Variants in TPST1 observed in about 807,000 individuals in gnomAD.
TPST1 encodes protein-tyrosine sulfotransferase 1.
In TPST1, 20 loss-of-function variants were observed where a neutral mutation model predicts 34.8. The ratio of observed to expected loss-of-function variants is 0.57; its 90% CI spans 0.40 to 0.84. The LOEUF (loss-of-function observed/expected upper bound fraction) is 0.84. Ranked by LOEUF, TPST1 falls within the 40% of genes least tolerant of loss-of-function variation. The pLI is 0.00. For missense variants in TPST1, 353 were observed against 455.5 expected (o/e 0.78, Z 2.05); for synonymous variants, 152 against 159.4 (o/e 0.95, Z 0.35).
intron 2 of TPST1, among the ~76,000 whole-genome samples, chr7:66,244,159 T>C (rs1790100117): frequency 6.6e-6 from 1 of 151,988 alleles, no homozygotes; most frequent in Admixed American, 6.6e-5. Context: ...TTCGCCATGT[T>C]AGCCAGGATG....
Position 66,339,833 on chromosome 7 carries a change from T to TAAAAAA in TPST1, c.1045-12657_1045-12652dup, listed in dbSNP as rs71526540. ...AAACCAGCACATGTACCCCTCAACCTAAAAAAAAAAAAAAAAAAAATCATC... is the reference window on the plus strand; with the variant it reads ...AAACCAGCACATGTACCCCTCAACCTAAAAAAAAAAAAAAAAAAAAAAAAAATCATC... On this transcript the variant is annotated intron_variant, in intron 3 of 5. Transcript: ENST00000304842. Among the ~76,000 whole-genome samples, 31 of 112,392 alleles carry TAAAAAA rather than the reference T, an allele frequency of 2.8e-4. 1 individual carries two copies. Among genetic ancestry groups the TAAAAAA allele is most frequent in the Non-Finnish European group, 3.5e-4 (20 of 56,614 alleles). The allele number at this position is 112,392 out of a possible 152,430, so 73.7% of individuals were successfully genotyped here.
At chr7:66,302,999 C>T (rs951720090) in intron 3 of TPST1, among the ~76,000 whole-genome samples, 1 of 152,058 alleles carries the variant, frequency 6.6e-6, no homozygotes, top group African/African-American at 2.4e-5. Flanking sequence ...ACCTTTGTTC[C>T]TTCTGCCTTG....
At chr7:66,353,683 C>T (rs1792526133) in intron 4 of TPST1, among the ~76,000 whole-genome samples, 1 of 152,198 alleles carries the variant, frequency 6.6e-6, no homozygotes, top group East Asian at 1.9e-4. Context: ...CAGCCGACTT[C>T]CCTTTCCAGC....
chr7:66,299,425 A>T (rs1791269785), intron 3 of TPST1, among the ~76,000 whole-genome samples: 1 of 151,418 alleles, frequency 6.6e-6, no homozygotes, highest in Non-Finnish European at 1.5e-5. Context: ...CATTAAAAAG[A>T]TACTATTTTA....
chr7:66,252,189 C>T (rs1341549171), intron 2 of TPST1, among the ~76,000 whole-genome samples: 2 of 151,490 alleles, frequency 1.3e-5, no homozygotes, highest in African/African-American at 4.9e-5. Flanking sequence ...TCCCAAGTAG[C>T]TGGGACTACA....
intron 1 of TPST1, among the ~76,000 whole-genome samples, chr7:66,210,482 G>T (rs566136105): frequency 2.0e-5 from 3 of 152,302 alleles, no homozygotes; most frequent in Admixed American, 6.5e-5. Flanking sequence ...AGCTTTTAAA[G>T]AATGAGGATG....
intron 1 of TPST1, among the ~76,000 whole-genome samples, chr7:66,209,227 C>T (rs1202551642): frequency 6.6e-6 from 1 of 152,080 alleles, no homozygotes; most frequent in Non-Finnish European, 1.5e-5. Flanking sequence ...GAGCTGACTC[C>T]AGCCTGGGCA....
At chr7:66,214,935 T>C (rs916453526) in intron 1 of TPST1, among the ~76,000 whole-genome samples, 9 of 141,150 alleles carry the variant, frequency 6.4e-5, no homozygotes, top group Non-Finnish European at 1.1e-4. Flanking sequence ...ATATACATTT[T>C]ATATAATATA....
intron 3 of TPST1, among the ~76,000 whole-genome samples, chr7:66,327,986 T>C (rs1431643198): frequency 4.7e-5 from 7 of 150,358 alleles, no homozygotes; most frequent in Non-Finnish European, 1.0e-4. Flanking sequence ...TGGTGTTTTT[T>C]TTTCTTTCTT....
At position 66,343,328 on chromosome 7, in the gene TPST1, G is replaced by A. The variant is rs537987738; in HGVS notation, c.1045-9177G>A. Among the ~76,000 whole-genome samples the A allele has an allele frequency of 1.3e-4, 20 of 152,242 alleles. No homozygotes were observed. The East Asian group carries it at 1.5e-3, about 12-fold the overall frequency. On this transcript the variant is annotated intron_variant, in intron 3 of 5. Coordinates refer to ENST00000304842, the MANE Select transcript of TPST1 (RefSeq NM_003596.4). ...CAAAAAACCAAAAACTACATGTTCC[G>A]AACTCATAAGTGGGAGCTAGACATT...
chr7:66,242,825 A>G (rs184003353), intron 2 of TPST1, among the ~76,000 whole-genome samples: 4 of 152,358 alleles, frequency 2.6e-5, no homozygotes, highest in African/African-American at 7.2e-5. Context: ...GCTATGTTTA[A>G]GGTAAACATA....
chr7:66,322,807 T>C (rs1791783420), intron 3 of TPST1, among the ~76,000 whole-genome samples: 1 of 152,234 alleles, frequency 6.6e-6, no homozygotes, highest in Non-Finnish European at 1.5e-5. Context: ...GCTGCCGTAC[T>C]GTTACTCCAT....
At chr7:66,324,718 G>C (rs1239570220) in intron 3 of TPST1, among the ~76,000 whole-genome samples, 1 of 146,162 alleles carries the variant, frequency 6.8e-6, no homozygotes, top group African/African-American at 2.5e-5. Flanking sequence ...AGAATTGCTT[G>C]AACTCGGGAG....
chr7:66,356,734 G>A, intron 4 of TPST1, 91 bp from the exon 5 acceptor site: 6 of 1,469,944 alleles, frequency 4.1e-6, no homozygotes, highest in Non-Finnish European at 5.7e-6. Context: ...AACAGAGCCT[G>A]CGGGCCACCC....
At chr7:66,209,983 G>A (rs2116211722) in intron 1 of TPST1, among the ~76,000 whole-genome samples, 1 of 152,168 alleles carries the variant, frequency 6.6e-6, no homozygotes, top group Non-Finnish European at 1.5e-5. Context: ...TGTATTTTCA[G>A]AAAAATTACT....
intron 2 of TPST1, among the ~76,000 whole-genome samples, chr7:66,277,218 C>CAAA (rs1295733835): frequency 6.6e-6 from 1 of 152,182 alleles, no homozygotes; most frequent in East Asian, 1.9e-4. Context: ...TCCCATCTTT[C>CAAA]TCTGGCCCCT....
Position 66,360,348 on chromosome 7 carries a change from A to C in TPST1, c.*483A>C, listed in dbSNP as rs1482193370. 6.5e-6 allele frequency: 1 copy of C among 153,684 alleles called. No homozygotes were observed. Among genetic ancestry groups the C allele is most frequent in the Admixed American group, 6.5e-5 (1 of 15,416 alleles). 9.5% of individuals were successfully genotyped at this position (153,684 alleles called of 1,614,324 possible). On this transcript the variant is annotated 3_prime_UTR_variant, in exon 6 of 6. Transcript: ENST00000304842. ...ATATCCTAATTATTTAATTCATTGT[A>C]TTGTTTCTGAGAAGTTGGGAAATTA... is the stretch of plus-strand genomic sequence containing the variant.
At chr7:66,243,524 A>G (rs1790080161) in intron 2 of TPST1, among the ~76,000 whole-genome samples, 1 of 151,122 alleles carries the variant, frequency 6.6e-6, no homozygotes, top group Non-Finnish European at 1.5e-5. Context: ...GCTCACTGCA[A>G]CCTCCATCTC....
intron 2 of TPST1, among the ~76,000 whole-genome samples, chr7:66,253,621 C>T (rs1434892776): frequency 4.0e-5 from 6 of 151,600 alleles, no homozygotes; most frequent in Non-Finnish European, 7.4e-5. Flanking sequence ...TCCGCCCACC[C>T]TGGCCTCCCA....
Sources: allele counts gnomAD v4.1 joint callset (sites outside exome capture counted in the v4.1 genomes callset), GRCh38; gene constraint gnomAD v4.1.1; transcripts MANE v1.5; gene names NCBI Gene and HGNC (gene_info 2026-07-23, HGNC 2026-07-21).